The following CADM1 variants were observed in gnomAD, a reference collection of about 807,000 sequenced individuals.
CADM1 encodes TSLC-1.
CADM1 carries 15 observed loss-of-function variants against 53.1 expected under a neutral mutation model. The observed-to-expected ratio is 0.28, with a 90% CI of 0.19 to 0.44. The LOEUF (loss-of-function observed/expected upper bound fraction) is 0.44, where lower values mean the gene tolerates loss of function less well. Among genes scored for constraint, CADM1 ranks in the 20% least tolerant of loss-of-function variants. The pLI is 1.00. For synonymous variants in CADM1, 281 were observed against 243.0 expected (o/e 1.16, Z -1.45); for missense variants, 434 against 611.3 (o/e 0.71, Z 3.06).
chr11:115,302,676 G>A (rs1944260881), intron 1 of CADM1, among the ~76,000 whole-genome samples: 1 of 151,964 alleles, frequency 6.6e-6, no homozygotes, highest in South Asian at 2.1e-4. Flanking sequence ...TTTGCTACTG[G>A]GGTTATTGTC....
chr11:115,429,715 GC>G (rs113752752), intron 1 of CADM1, among the ~76,000 whole-genome samples: 152,296 of 152,296 alleles, frequency 1, 76,148 homozygotes, highest in Non-Finnish European at 1. Flanking sequence ...TATGCACTAA[GC>G]TCTGCTGAGC....
intron 1 of CADM1, among the ~76,000 whole-genome samples, chr11:115,350,031 G>A (rs1039925377): frequency 6.6e-6 from 1 of 152,144 alleles, no homozygotes; most frequent in African/African-American, 2.4e-5. Context: ...GAGTGCAGTG[G>A]CATGATCTTG....
intron 1 of CADM1, among the ~76,000 whole-genome samples, chr11:115,444,137 A>C (rs1948393752): frequency 6.6e-6 from 1 of 152,210 alleles, no homozygotes; most frequent in African/African-American, 2.4e-5. Flanking sequence ...CTTCCAGAGA[A>C]AACCAAAGTA....
chr11:115,392,592 G>A (rs1296684240), intron 1 of CADM1, among the ~76,000 whole-genome samples: 2 of 152,082 alleles, frequency 1.3e-5, no homozygotes, highest in Non-Finnish European at 2.9e-5. Flanking sequence ...AAACAACCTC[G>A]CTGACAGCAA....
At chr11:115,445,647 C>A in intron 1 of CADM1, 1 of 306,514 alleles carries the variant, frequency 3.3e-6, no homozygotes, top group South Asian at 2.4e-5. Context: ...AGTTTGAGAC[C>A]AGCCTGGTCA....
chr11:115,275,535 A>T (rs912889367), intron 1 of CADM1, among the ~76,000 whole-genome samples: 2 of 152,246 alleles, frequency 1.3e-5, no homozygotes, highest in African/African-American at 2.4e-5. Context: ...AAAGGTGTAC[A>T]CAGTTCTTTG....
intron 1 of CADM1, 109 bp downstream of exon 1, chr11:115,504,162 T>G: frequency 7.5e-6 from 11 of 1,459,480 alleles, no homozygotes; most frequent in Non-Finnish European, 1.0e-5. Context: ...CCGCTTCGGA[T>G]GTAGGAAGTG....
chr11:115,200,454 G>T (rs1940365402), intron 8 of CADM1, among the ~76,000 whole-genome samples: 1 of 152,208 alleles, frequency 6.6e-6, no homozygotes, highest in Middle Eastern at 3.4e-3. Context: ...TCAACACTCT[G>T]GCTCATTATT....
At chr11:115,494,202 G>C (rs1949560993) in intron 1 of CADM1, among the ~76,000 whole-genome samples, 1 of 152,076 alleles carries the variant, frequency 6.6e-6, no homozygotes, top group African/African-American at 2.4e-5. Flanking sequence ...GTAAATACAA[G>C]TATTCATTGT....
At chr11:115,429,198 G>GA (rs1203582497) in intron 1 of CADM1, among the ~76,000 whole-genome samples, 5 of 151,946 alleles carry the variant, frequency 3.3e-5, no homozygotes, top group South Asian at 4.2e-4. Context: ...CAAAGAAACA[G>GA]AAAAAAATGA....
chr11:115,278,596 T>C lies in CADM1; in HGVS notation c.125-38176A>G, dbSNP rs187309417. On this transcript the variant is annotated intron_variant, in intron 1 of 11. Coordinates refer to ENST00000331581, the MANE Select transcript of CADM1 (RefSeq NM_001301043.2). ...GAAGGTAGTTAGAAGTCGATGAGTATAGAGGGAACAGGGTAAAGAGGTACC... is the reference window on the plus strand; with the variant it reads ...GAAGGTAGTTAGAAGTCGATGAGTACAGAGGGAACAGGGTAAAGAGGTACC... Among the ~76,000 whole-genome samples, 377 of 152,196 alleles carry C rather than the reference T, an allele frequency of 2.5e-3. 9 individuals carry two copies. The highest frequency in any genetic ancestry group is 7.8e-4 in the Non-Finnish European group (53 of 68,008).
chr11:115,325,897 G>T (rs1367691438), intron 1 of CADM1, among the ~76,000 whole-genome samples: 1 of 152,130 alleles, frequency 6.6e-6, no homozygotes, highest in Non-Finnish European at 1.5e-5. Context: ...TTTGCTCTTG[G>T]CTGCTCATAA....
At chr11:115,323,553 T>C (rs1031116543) in intron 1 of CADM1, among the ~76,000 whole-genome samples, 1 of 152,140 alleles carries the variant, frequency 6.6e-6, no homozygotes, top group African/African-American at 2.4e-5. Flanking sequence ...TAAGAATTTC[T>C]GGAGCTAAAT....
intron 1 of CADM1, among the ~76,000 whole-genome samples, chr11:115,273,830 G>T (rs1420157379): frequency 1.3e-5 from 2 of 152,174 alleles, no homozygotes; most frequent in Non-Finnish European, 2.9e-5. Flanking sequence ...GAGAAAGAAT[G>T]AGATGGCTAT....
chr11:115,289,864 G>T (rs886700523), intron 1 of CADM1, among the ~76,000 whole-genome samples: 1 of 151,916 alleles, frequency 6.6e-6, no homozygotes, highest in Non-Finnish European at 1.5e-5. Context: ...CAAAGTGCTG[G>T]GATTACAGGC....
chr11:115,207,867 A>G lies in CADM1; in HGVS notation c.1078+1707T>C, dbSNP rs1196511395. On this transcript the variant is annotated intron_variant, in intron 8 of 11. Coordinates refer to ENST00000331581, the MANE Select transcript of CADM1 (RefSeq NM_001301043.2). ...TGGAGAATTACGCAGTATATTTTAC[A>G]CTAGTATCTAAAGGGCACTTCACAA... is the stretch of plus-strand genomic sequence containing the variant. Among the ~76,000 whole-genome samples, 4 of 152,210 alleles carry G rather than the reference A, an allele frequency of 2.6e-5. No homozygotes were observed. The East Asian group carries it at 7.7e-4, about 29-fold the overall frequency.
intron 1 of CADM1, among the ~76,000 whole-genome samples, chr11:115,479,678 C>T (rs1949215962): frequency 6.6e-6 from 1 of 152,088 alleles, no homozygotes; most frequent in Admixed American, 6.6e-5. Context: ...CTGAACTATT[C>T]TCATTCTTGG....
intron 1 of CADM1, among the ~76,000 whole-genome samples, chr11:115,427,570 A>G (rs149055974): frequency 2.6e-5 from 4 of 152,350 alleles, no homozygotes; most frequent in African/African-American, 9.6e-5. Flanking sequence ...AACATAGAAG[A>G]ATACAGAAGT....
chr11:115,289,593 CTTTTTTTTTTT>C (rs56766047), intron 1 of CADM1, among the ~76,000 whole-genome samples: 2 of 109,056 alleles, frequency 1.8e-5, no homozygotes, highest in East Asian at 4.8e-4. Flanking sequence ...CTTTTTTTTT[CTTTTTTTTTTT>C]TTTTTTTTTG....
Sources: gnomAD v4.1 joint callset for allele counts (sites outside exome capture counted in the v4.1 genomes callset) on GRCh38, gnomAD v4.1.1 for gene constraint, MANE v1.5 for transcripts, NCBI Gene and HGNC (gene_info 2026-07-23, HGNC 2026-07-21) for gene names.